SAMMSON: variants seen among roughly 807,000 people sequenced by gnomAD.
The protein encoded by SAMMSON is survival associated mitochondrial melanoma specific oncogenic non-coding RNA.
intron 4 of SAMMSON, among the ~76,000 whole-genome samples, chr3:70,200,382 G>C (rs1365090517): frequency 1.3e-5 from 2 of 152,068 alleles, no homozygotes; most frequent in Non-Finnish European, 2.9e-5. Context: ...CTGACTTCTG[G>C]ACCTACTTTA....
chr3:70,082,258 G>C (rs935391376), intron 4 of SAMMSON, among the ~76,000 whole-genome samples: 1 of 152,040 alleles, frequency 6.6e-6, no homozygotes, highest in African/African-American at 2.4e-5. Flanking sequence ...TAACACAATG[G>C]GAGAGAGAGT....
intron 3 of SAMMSON, among the ~76,000 whole-genome samples, chr3:70,048,539 A>G (rs1376796689): frequency 2.0e-5 from 3 of 152,128 alleles, no homozygotes; most frequent in Non-Finnish European, 4.4e-5. Flanking sequence ...TTCATCCTTT[A>G]TAGGGACAAC....
At chr3:70,210,802 T>C (rs1321530242) in intron 4 of SAMMSON, among the ~76,000 whole-genome samples, 3 of 151,986 alleles carry the variant, frequency 2.0e-5, no homozygotes, top group Non-Finnish European at 2.9e-5. Context: ...TTAAAGTGAA[T>C]GTTAAACAGT....
At chr3:70,306,056 T>C (rs1410541244) in intron 7 of SAMMSON, among the ~76,000 whole-genome samples, 1 of 152,160 alleles carries the variant, frequency 6.6e-6, no homozygotes, top group Non-Finnish European at 1.5e-5. Flanking sequence ...CAACACTAAA[T>C]AAGTTTAGAG....
At chr3:70,119,245 T>C (rs1318998349) in intron 4 of SAMMSON, among the ~76,000 whole-genome samples, 1 of 152,034 alleles carries the variant, frequency 6.6e-6, no homozygotes, top group Non-Finnish European at 1.5e-5. Flanking sequence ...TTTTATATTT[T>C]TAGTAGAGAC....
At chr3:70,246,644 C>T (rs1342116599) in intron 4 of SAMMSON, among the ~76,000 whole-genome samples, 1 of 151,998 alleles carries the variant, frequency 6.6e-6, no homozygotes, top group Admixed American at 6.6e-5. Context: ...GGGTTGTTGA[C>T]AACAACCTAC....
intron 2 of SAMMSON, among the ~76,000 whole-genome samples, chr3:70,395,954 G>A (rs574138418): frequency 1.3e-5 from 2 of 152,094 alleles, no homozygotes; most frequent in Non-Finnish European, 2.9e-5. Flanking sequence ...GTGAATTCAT[G>A]CCTCTAAGCC....
At chr3:70,171,990 TC>T (rs1340535549) in intron 4 of SAMMSON, among the ~76,000 whole-genome samples, 2 of 151,918 alleles carry the variant, frequency 1.3e-5, no homozygotes, top group Non-Finnish European at 2.9e-5. Flanking sequence ...AAGCAGTGAT[TC>T]AGTCATTTTG....
At chr3:70,269,309 T>C (rs1479609656) in intron 6 of SAMMSON, among the ~76,000 whole-genome samples, 1 of 152,196 alleles carries the variant, frequency 6.6e-6, no homozygotes, top group African/African-American at 2.4e-5. Flanking sequence ...GCTCATTATA[T>C]ATTTCACATT....
At chr3:70,262,986 C>G (rs1245355908) in intron 6 of SAMMSON, among the ~76,000 whole-genome samples, 1 of 152,068 alleles carries the variant, frequency 6.6e-6, no homozygotes, top group Non-Finnish European at 1.5e-5. Context: ...TTAATACTAT[C>G]CAGGGAAATT....
At chr3:70,217,421 A>T (rs1701425943) in intron 4 of SAMMSON, among the ~76,000 whole-genome samples, 1 of 152,192 alleles carries the variant, frequency 6.6e-6, no homozygotes, top group Admixed American at 6.6e-5. Flanking sequence ...AGCTTTTAAT[A>T]TAATTTGCTA....
At chr3:70,051,020 C>G (rs940431047) in intron 3 of SAMMSON, among the ~76,000 whole-genome samples, 1 of 150,684 alleles carries the variant, frequency 6.6e-6, no homozygotes, top group East Asian at 2.0e-4. Context: ...CCTGTAATCC[C>G]AGCTACTTGG....
At chr3:70,317,001 C>T (rs138901174) in intron 7 of SAMMSON, among the ~76,000 whole-genome samples, 29 of 152,066 alleles carry the variant, frequency 1.9e-4, no homozygotes, top group African/African-American at 6.0e-4. Flanking sequence ...TGGTGTGTTA[C>T]GGATATTCTT....
At chr3:70,327,224 T>C (rs1374265771) in intron 7 of SAMMSON, among the ~76,000 whole-genome samples, 2 of 152,206 alleles carry the variant, frequency 1.3e-5, no homozygotes, top group African/African-American at 4.8e-5. Context: ...CTTCTGCTTC[T>C]AGACACAATG....
intron 2 of SAMMSON, among the ~76,000 whole-genome samples, chr3:70,405,808 C>T (rs775339325): frequency 7.9e-5 from 12 of 152,114 alleles, no homozygotes; most frequent in East Asian, 5.8e-4. Flanking sequence ...AATTTGTTCA[C>T]GTTTTATGAG....
At chr3:70,197,176 G>A (rs1214538112) in intron 4 of SAMMSON, 3 of 398,406 alleles carry the variant, frequency 7.5e-6, no homozygotes, top group African/African-American at 4.1e-5. Flanking sequence ...GATAAGGGAG[G>A]CACACTCCTC....
At chr3:70,245,892 G>A (rs1440299600) in intron 4 of SAMMSON, among the ~76,000 whole-genome samples, 1 of 150,810 alleles carries the variant, frequency 6.6e-6, no homozygotes, top group Non-Finnish European at 1.5e-5. Context: ...GCCAATTTAG[G>A]ACACTGGCTT....
At chr3:70,367,222 C>T (rs964709166) in intron 9 of SAMMSON, among the ~76,000 whole-genome samples, 4 of 151,438 alleles carry the variant, frequency 2.6e-5, no homozygotes, top group Non-Finnish European at 5.9e-5. Context: ...TTACGGACAA[C>T]TATAGTCACC....
At chr3:70,173,492 A>G (rs1700979042) in intron 4 of SAMMSON, among the ~76,000 whole-genome samples, 1 of 152,090 alleles carries the variant, frequency 6.6e-6, no homozygotes, top group East Asian at 1.9e-4. Context: ...AATATATGGT[A>G]TACGTTTTAA....
Sources: gnomAD v4.1 joint callset for allele counts (sites outside exome capture counted in the v4.1 genomes callset) on GRCh38, gnomAD v4.1.1 for gene constraint, MANE v1.5 for transcripts, NCBI Gene and HGNC (gene_info 2026-07-23, HGNC 2026-07-21) for gene names.